NR4A1: variants seen among roughly 807,000 people sequenced by gnomAD.
The protein encoded by NR4A1 is nuclear receptor subfamily 4immunitygroup A member 1.
Under a neutral mutation model 47.5 loss-of-function variants are expected in NR4A1, and 24 were observed. The ratio of observed to expected loss-of-function variants is 0.50; its 90% CI spans 0.37 to 0.71. The LOEUF (loss-of-function observed/expected upper bound fraction) is 0.71, where lower values mean the gene tolerates loss of function less well. Among genes scored for constraint, NR4A1 ranks in the 30% least tolerant of loss-of-function variants. NR4A1 has a pLI of 0.00. For missense variants in NR4A1, 669 were observed against 788.6 expected (o/e 0.85, Z 1.82); for synonymous variants, 353 against 345.7 (o/e 1.02, Z -0.24).
Position 52,056,431 on chromosome 12 carries a change from G to A in NR4A1, c.1007-63G>A, listed in dbSNP as rs1446951177. On this transcript the variant is annotated intron_variant, in intron 3 of 6. Transcript: ENST00000394825. ...GCGCGTCTCAGCAGTGGTGTGCACGGCTTGGGCTGAGAGGCCCTTCCTCAG... is the reference window on the plus strand; with the variant it reads ...GCGCGTCTCAGCAGTGGTGTGCACGACTTGGGCTGAGAGGCCCTTCCTCAG... 4.4e-6 allele frequency: 7 copies of A among 1,585,718 alleles called. No homozygotes were observed. The South Asian group carries it at 4.5e-5, about 10-fold the overall frequency.
intron 2 of NR4A1, among the ~76,000 whole-genome samples, chr12:52,045,083 G>A (rs550139741): frequency 2.6e-5 from 4 of 152,180 alleles, no homozygotes; most frequent in African/African-American, 4.8e-5. Flanking sequence ...TTGACCACTC[G>A]CTGCATACAC....
intron 1 of NR4A1, among the ~76,000 whole-genome samples, chr12:52,032,986 G>A (rs1938159255): frequency 6.6e-6 from 1 of 152,208 alleles, no homozygotes; most frequent in African/African-American, 2.4e-5. Flanking sequence ...CCCGAAGGAA[G>A]CTTCGGCTCA....
intron 1 of NR4A1, chr12:52,037,245 G>T (rs1365098815): frequency 6.0e-5 from 26 of 432,678 alleles, no homozygotes; most frequent in Non-Finnish European, 7.7e-5. Context: ...GGCGGGGGGC[G>T]CTGAGCGGCT....
At position 52,056,724 on chromosome 12, in the gene NR4A1, C is replaced by T. The variant is rs917069773; in HGVS notation, c.1158+79C>T. 29 of 1,422,102 alleles carry T rather than the reference C, an allele frequency of 2.0e-5. 1 individual carries two copies. Among genetic ancestry groups the T allele is most frequent in the South Asian group, 8.5e-5 (6 of 70,696 alleles). 88.1% of individuals were successfully genotyped at this position (1,422,102 alleles called of 1,614,324 possible). A position where few individuals can be genotyped will look rare whatever the true frequency, so the allele number is the denominator to read the frequency against. On this transcript the variant is annotated intron_variant, in intron 4 of 6. Coordinates refer to ENST00000394825, the MANE Select transcript of NR4A1 (RefSeq NM_173157.3). The stretch of plus-strand genomic sequence containing the variant: ...CTTTGTGCGTGTTAGGAGAGCTACC[C>T]CCTCTGGAAGGACTGAATGAGAAAG...
At chr12:52,048,320 T>C (rs537948375), upstream of NR4A1, among the ~76,000 whole-genome samples, 80 of 149,244 alleles carry the variant, frequency 5.4e-4, no homozygotes, top group Middle Eastern at 3.5e-3. Context: ...TTTGGCCGGG[T>C]ACAGTGGCTC....
At chr12:52,024,127 T>G (rs1937951440) in intron 1 of NR4A1, among the ~76,000 whole-genome samples, 1 of 152,202 alleles carries the variant, frequency 6.6e-6, no homozygotes, top group Admixed American at 6.5e-5. Context: ...AAGGACCCTT[T>G]GTAACCGCGA....
chr12:52,033,170 CCCCACCCCG>C (rs1938165670), intron 1 of NR4A1, among the ~76,000 whole-genome samples: 2 of 152,188 alleles, frequency 1.3e-5, no homozygotes, highest in Non-Finnish European at 2.9e-5. Context: ...GCTTCCCCGG[CCCCACCCCG>C]CCCAGCCCGG....
At chr12:52,025,469 C>T (rs1163181129) in intron 1 of NR4A1, among the ~76,000 whole-genome samples, 1 of 152,176 alleles carries the variant, frequency 6.6e-6, no homozygotes, top group Non-Finnish European at 1.5e-5. Flanking sequence ...TGGCCTTTCC[C>T]CGGGTAGGGG....
chr12:52,038,689 A>G (rs754883818), intron 1 of NR4A1: 1 of 763,782 alleles, frequency 1.3e-6, no homozygotes, highest in Non-Finnish European at 2.4e-6. Flanking sequence ...GACTCCGTGT[A>G]GTCATCCAGA....
At chr12:52,053,991 AG>A (rs1455552339) in intron 1 of NR4A1, 1 of 257,014 alleles carries the variant, frequency 3.9e-6, no homozygotes, top group Non-Finnish European at 7.4e-6. Context: ...GGGGAGGGGC[AG>A]GGGGCTGGAG....
chr12:52,049,709 C>G (rs924964317), upstream of NR4A1, among the ~76,000 whole-genome samples: 2 of 152,092 alleles, frequency 1.3e-5, no homozygotes, highest in Non-Finnish European at 2.9e-5. Flanking sequence ...AGAGATGTTC[C>G]AAAAAAGAAT....
Position 52,037,709 on chromosome 12 carries a change from C to T in NR4A1, c.-83-4101C>T, listed in dbSNP as rs1469561124. 4 of 985,356 alleles carry T rather than the reference C, an allele frequency of 4.1e-6. No individual in the cohort carries two copies. The East Asian group carries it at 3.4e-4, about 84-fold the overall frequency. 61.0% of individuals were successfully genotyped at this position (985,356 alleles called of 1,614,324 possible). A position where few individuals can be genotyped will look rare whatever the true frequency, so the allele number is the denominator to read the frequency against. ...GGAGGTGGCCAGGCCAGAGAAATTC[C>T]TTCCATTTCTCCGCCGGCTGCGGGA... On this transcript the variant is annotated intron_variant, in intron 1 of 7. Coordinates refer to the NR4A1 transcript ENST00000360284.
intron 1 of NR4A1, among the ~76,000 whole-genome samples, chr12:52,029,126 G>A (rs965943222): frequency 6.6e-6 from 1 of 152,224 alleles, no homozygotes; most frequent in African/African-American, 2.4e-5. Context: ...TTCTAAAAGA[G>A]CAGTGGAAAG....
intron 6 of NR4A1, chr12:52,058,398 T>C: frequency 2.3e-6 from 1 of 440,310 alleles, no homozygotes. Flanking sequence ...AAAAACCCAA[T>C]GATCTAGCCA....
chr12:52,023,900 G>A (rs990570968), intron 1 of NR4A1, among the ~76,000 whole-genome samples: 1 of 152,138 alleles, frequency 6.6e-6, no homozygotes, highest in East Asian at 1.9e-4. Flanking sequence ...GGCCACACTC[G>A]TCACCTCGCC....
chr12:52,052,480 C>T (rs765863999), intron 1 of NR4A1: 2 of 985,576 alleles, frequency 2.0e-6, no homozygotes, highest in Non-Finnish European at 1.2e-6. Context: ...CCAGTAGTCT[C>T]TGTTGGATCT....
chr12:52,051,314 C>G, upstream of NR4A1: 2 of 789,956 alleles, frequency 2.5e-6, no homozygotes, highest in Non-Finnish European at 3.1e-6. Context: ...GGCCGCCTCC[C>G]GCCGGAACCG....
Position 52,038,193 on chromosome 12 carries a change from T to C in NR4A1, c.-83-3617T>C, listed in dbSNP as rs993245537. On this transcript the variant is annotated intron_variant, in intron 1 of 7. Transcript: ENST00000360284. ...GAATCTCCTGCCTCAGCCTCCAGAG[T>C]AGCTGGGACTACAGGCACCCACCAC... 1.2e-5 allele frequency: 6 copies of C among 507,194 alleles called. No homozygotes were observed. In the African/African-American group the frequency reaches 1.3e-4, roughly 11 times the overall value. The allele number at this position is 507,194 out of a possible 1,614,324, so 31.4% of individuals were successfully genotyped here.
chr12:52,054,191 T>A (rs1939120168), intron 1 of NR4A1, 136 bp from the exon 2 acceptor site: 2 of 722,648 alleles, frequency 2.8e-6, no homozygotes, highest in African/African-American at 3.6e-5. Context: ...GGTGCTCTGG[T>A]CCCGGTGCCT....
Sources: gnomAD v4.1 joint callset for allele counts (sites outside exome capture counted in the v4.1 genomes callset) on GRCh38, gnomAD v4.1.1 for gene constraint, MANE v1.5 for transcripts, NCBI Gene and HGNC (gene_info 2026-07-23, HGNC 2026-07-21) for gene names.